CADM2: variants seen among roughly 807,000 people sequenced by gnomAD.
CADM2 encodes the protein immunoglobulin superfamily member 4D.
In CADM2, 12 loss-of-function variants were observed where a neutral mutation model predicts 49.8. The observed-to-expected ratio is 0.24, with a 90% CI of 0.15 to 0.39. The LOEUF (loss-of-function observed/expected upper bound fraction) is 0.39. CADM2 is among the 10% of genes least tolerant of loss of function. The pLI is 1.00. For missense variants in CADM2, 378 were observed against 492.3 expected (o/e 0.77, Z 2.20); for synonymous variants, 214 against 175.4 (o/e 1.22, Z -1.74).
rs569579598 is a variant in CADM2, at chr3:85,492,703, A to G, written c.62-233819A>G. On this transcript the variant is annotated intron_variant, in intron 1 of 9. Transcript: ENST00000383699. ...TTCTTATTGTAGTATAGCAAAGATAATATTTATCATTGAAAATCATATTTG... is the reference window on the plus strand; with the variant it reads ...TTCTTATTGTAGTATAGCAAAGATAGTATTTATCATTGAAAATCATATTTG... 1.4e-4 allele frequency among the ~76,000 whole-genome samples: 21 copies of G among 152,338 alleles called. No individual in the cohort carries two copies. In the South Asian group the frequency reaches 4.4e-3, roughly 32 times the overall value.
chr3:85,413,248 C>A (rs2035759695), intron 1 of CADM2, among the ~76,000 whole-genome samples: 1 of 148,622 alleles, frequency 6.7e-6, no homozygotes, highest in South Asian at 2.2e-4. Flanking sequence ...TAACAATTCA[C>A]TTTTTTCAGT....
intron 1 of CADM2, among the ~76,000 whole-genome samples, chr3:85,483,358 C>A (rs912017435): frequency 4.6e-5 from 7 of 151,100 alleles, no homozygotes; most frequent in African/African-American, 9.7e-5. Context: ...ATATAAGTAT[C>A]ATTTCTTATG....
intron 1 of CADM2, among the ~76,000 whole-genome samples, chr3:84,973,038 C>A (rs1338745499): frequency 6.6e-5 from 10 of 152,134 alleles, no homozygotes; most frequent in Non-Finnish European, 1.5e-4. Context: ...CTTAGCCTCC[C>A]ATGTAGCTGA....
At position 85,905,530 on chromosome 3, in the gene CADM2, A is replaced by T. The variant is rs549273472; in HGVS notation, c.530-6843A>T. Among the ~76,000 whole-genome samples the T allele has an allele frequency of 8.5e-5, 13 of 152,284 alleles. No individual in the cohort carries two copies. In the South Asian group the frequency reaches 2.7e-3, roughly 32 times the overall value. ...AAAACATACTTGTTAAGCATCTATGATGTTTCAGATACTGTCCTAGATGCT... is the reference window on the plus strand; with the variant it reads ...AAAACATACTTGTTAAGCATCTATGTTGTTTCAGATACTGTCCTAGATGCT... On this transcript the variant is annotated intron_variant, in intron 5 of 9. Transcript: ENST00000383699.
At chr3:84,969,108 G>C (rs1238071087) in intron 1 of CADM2, among the ~76,000 whole-genome samples, 3 of 151,892 alleles carry the variant, frequency 2.0e-5, no homozygotes, top group Admixed American at 2.0e-4. Flanking sequence ...TATTACATGA[G>C]TATGAGAGTG....
At chr3:85,758,463 C>T (rs991227936) in intron 2 of CADM2, among the ~76,000 whole-genome samples, 21 of 152,110 alleles carry the variant, frequency 1.4e-4, no homozygotes, top group Admixed American at 6.6e-4. Context: ...TAGTAAAAGA[C>T]ACCTTGTGGA....
At chr3:85,940,265 G>A (rs1721725650) in intron 7 of CADM2, among the ~76,000 whole-genome samples, 1 of 151,880 alleles carries the variant, frequency 6.6e-6, no homozygotes, top group African/African-American at 2.4e-5. Flanking sequence ...CTTGAACCTG[G>A]GAGGTGGAAG....
chr3:85,695,587 C>T (rs183691963), intron 1 of CADM2, among the ~76,000 whole-genome samples: 140 of 151,380 alleles, frequency 9.2e-4, no homozygotes, highest in African/African-American at 2.8e-3. Flanking sequence ...TATACGGGTA[C>T]GTACACACAC....
chr3:85,225,211 T>C (rs2042129753), intron 1 of CADM2, among the ~76,000 whole-genome samples: 1 of 152,214 alleles, frequency 6.6e-6, no homozygotes, highest in Admixed American at 6.5e-5. Flanking sequence ...ATTTTCATGA[T>C]ATTGGTTCTT....
chr3:85,956,337 C>T (rs1178815765), intron 7 of CADM2, among the ~76,000 whole-genome samples: 1 of 151,490 alleles, frequency 6.6e-6, no homozygotes, highest in Non-Finnish European at 1.5e-5. Context: ...CCTAGGGGGC[C>T]CTCTTTATTA....
intron 1 of CADM2, among the ~76,000 whole-genome samples, chr3:85,224,481 T>G (rs1198773900): frequency 1.3e-5 from 2 of 152,132 alleles, no homozygotes; most frequent in Non-Finnish European, 2.9e-5. Context: ...GTTTAAGTTC[T>G]TCGTAGAGTC....
chr3:85,630,444 A>G (rs959087169), intron 1 of CADM2, among the ~76,000 whole-genome samples: 1 of 152,178 alleles, frequency 6.6e-6, no homozygotes, highest in African/African-American at 2.4e-5. Flanking sequence ...TGCCATCTGT[A>G]TAGTGTAGAA....
intron 3 of CADM2, among the ~76,000 whole-genome samples, chr3:85,879,248 C>T (rs1300750470): frequency 2.0e-5 from 3 of 151,880 alleles, no homozygotes; most frequent in Non-Finnish European, 4.4e-5. Flanking sequence ...ATGAAATAGA[C>T]ATTTTTTTTA....
chr3:85,663,211 T>C (rs1237326973), intron 1 of CADM2, among the ~76,000 whole-genome samples: 1 of 152,010 alleles, frequency 6.6e-6, no homozygotes, highest in Non-Finnish European at 1.5e-5. Flanking sequence ...ACCTTCCTAC[T>C]TTTTAGAGTT....
chr3:85,519,179 C>T (rs975672942), intron 1 of CADM2, among the ~76,000 whole-genome samples: 21 of 152,054 alleles, frequency 1.4e-4, no homozygotes, highest in East Asian at 3.9e-4. Context: ...TCCACATTCT[C>T]GCTTGTTTGG....
At chr3:85,862,497 G>A (rs1305899055) in intron 3 of CADM2, among the ~76,000 whole-genome samples, 1 of 152,048 alleles carries the variant, frequency 6.6e-6, no homozygotes, top group African/African-American at 2.4e-5. Flanking sequence ...TCTACATTGT[G>A]AGCAATGGTG....
intron 1 of CADM2, among the ~76,000 whole-genome samples, chr3:85,429,533 C>T (rs1366313291): frequency 6.6e-6 from 1 of 151,774 alleles, no homozygotes; most frequent in Non-Finnish European, 1.5e-5. Context: ...GCAAGTTATT[C>T]TTGTATAAAA....
At chr3:85,479,332 G>A (rs2107623599) in intron 1 of CADM2, among the ~76,000 whole-genome samples, 1 of 151,974 alleles carries the variant, frequency 6.6e-6, no homozygotes, top group South Asian at 2.1e-4. Context: ...TTCTATTTAA[G>A]GAATGTGTTA....
chr3:85,430,355 A>T (rs996523543), intron 1 of CADM2, among the ~76,000 whole-genome samples: 48 of 151,964 alleles, frequency 3.2e-4, no homozygotes, highest in African/African-American at 1.1e-3. Flanking sequence ...AAATGTATTG[A>T]CTCATGAAAG....
Sources: gnomAD v4.1 joint callset for allele counts (sites outside exome capture counted in the v4.1 genomes callset) on GRCh38, gnomAD v4.1.1 for gene constraint, MANE v1.5 for transcripts, NCBI Gene and HGNC (gene_info 2026-07-23, HGNC 2026-07-21) for gene names.